The following PKP4 variants were observed in gnomAD, a reference collection of about 807,000 sequenced individuals.
The protein encoded by PKP4 is plakophilin 4.
A neutral mutation model predicts 145.1 loss-of-function variants in PKP4; 90 were observed. The observed-to-expected ratio is 0.62, with a 90% CI of 0.52 to 0.74. PKP4 has a LOEUF of 0.74. PKP4 is among the 30% of genes least tolerant of loss of function. The pLI is 0.00. For synonymous variants in PKP4, 563 were observed against 577.2 expected (o/e 0.98, Z 0.35); for missense variants, 1,340 against 1,482.7 (o/e 0.90, Z 1.58).
At chr2:158,569,688 A>G (rs913298226) in intron 2 of PKP4, among the ~76,000 whole-genome samples, 2 of 152,210 alleles carry the variant, frequency 1.3e-5, no homozygotes, top group African/African-American at 2.4e-5. Context: ...TGTGTTCTCA[A>G]AATGATAGTT....
chr2:158,562,121 G>A (rs550143856), intron 2 of PKP4, among the ~76,000 whole-genome samples: 1 of 152,234 alleles, frequency 6.6e-6, no homozygotes, highest in African/African-American at 2.4e-5. Flanking sequence ...AGCCAGGAGA[G>A]GAGAAAATAG....
At chr2:158,504,248 C>T (rs1410118876) in intron 1 of PKP4, among the ~76,000 whole-genome samples, 2 of 152,240 alleles carry the variant, frequency 1.3e-5, no homozygotes, top group East Asian at 3.9e-4. Flanking sequence ...GTCAACATTG[C>T]GTTATTAGGA....
chr2:158,489,025 A>G (rs1210101857), intron 1 of PKP4, among the ~76,000 whole-genome samples: 3 of 152,200 alleles, frequency 2.0e-5, no homozygotes, highest in South Asian at 2.1e-4. Flanking sequence ...CATCTGTACA[A>G]TGGAGTTGAA....
intron 2 of PKP4, among the ~76,000 whole-genome samples, chr2:158,558,187 A>C (rs1417681022): frequency 6.6e-6 from 1 of 152,216 alleles, no homozygotes; most frequent in East Asian, 1.9e-4. Flanking sequence ...AATTACAGAG[A>C]TATCATTGCC....
intron 9 of PKP4, among the ~76,000 whole-genome samples, chr2:158,635,855 A>G (rs1326377599): frequency 6.6e-6 from 1 of 152,158 alleles, no homozygotes; most frequent in African/African-American, 2.4e-5. Context: ...TGAAGTTTGA[A>G]TATTTAAACC....
chr2:158,604,893 C>T (rs897183772), intron 4 of PKP4, among the ~76,000 whole-genome samples: 1 of 152,138 alleles, frequency 6.6e-6, no homozygotes, highest in African/African-American at 2.4e-5. Context: ...TAAGGGACAA[C>T]TGAGTTAGAG....
chr2:158,503,177 T>G (rs1289225488), intron 1 of PKP4, among the ~76,000 whole-genome samples: 1 of 152,272 alleles, frequency 6.6e-6, no homozygotes, highest in Non-Finnish European at 1.5e-5. Flanking sequence ...TCCAATTTGT[T>G]AGCTGTACTT....
At chr2:158,541,086 A>G (rs1339272475) in intron 2 of PKP4, among the ~76,000 whole-genome samples, 1 of 152,136 alleles carries the variant, frequency 6.6e-6, no homozygotes, top group Non-Finnish European at 1.5e-5. Context: ...TCTGCTTTGC[A>G]TGATCGTTTT....
At chr2:158,498,555 C>T (rs1383577932) in intron 1 of PKP4, among the ~76,000 whole-genome samples, 1 of 152,178 alleles carries the variant, frequency 6.6e-6, no homozygotes, top group African/African-American at 2.4e-5. Context: ...GTTTTCTCTT[C>T]AGCATTCCTT....
At chr2:158,509,959 A>T (rs2041351572) in intron 1 of PKP4, among the ~76,000 whole-genome samples, 1 of 151,850 alleles carries the variant, frequency 6.6e-6, no homozygotes, top group Admixed American at 6.6e-5. Flanking sequence ...AAAAAAAAAA[A>T]AAAGAAATAC....
chr2:158,462,799 G>A (rs910226569), intron 1 of PKP4, among the ~76,000 whole-genome samples: 8 of 152,146 alleles, frequency 5.3e-5, no homozygotes, highest in South Asian at 2.1e-4. Flanking sequence ...TGTGGTCCTC[G>A]TTTTGCTCAT....
intron 2 of PKP4, among the ~76,000 whole-genome samples, chr2:158,537,341 T>G (rs898365938): frequency 2.6e-5 from 4 of 152,176 alleles, no homozygotes; most frequent in African/African-American, 7.2e-5. Context: ...TCTGTCCAAT[T>G]TAGTCGAAAG....
intron 2 of PKP4, among the ~76,000 whole-genome samples, chr2:158,546,025 AC>A (rs759997101): frequency 6.6e-5 from 10 of 152,176 alleles, no homozygotes; most frequent in Non-Finnish European, 1.3e-4. Context: ...TCTCTTTAGT[AC>A]CCAGAATATG....
chr2:158,576,079 G>A (rs988180678), intron 2 of PKP4, among the ~76,000 whole-genome samples: 8 of 152,096 alleles, frequency 5.3e-5, no homozygotes, highest in Non-Finnish European at 1.2e-4. Flanking sequence ...CATTAGGAAA[G>A]GATTCTCAGT....
chr2:158,575,685 C>T (rs1003483138), intron 2 of PKP4, among the ~76,000 whole-genome samples: 4 of 152,046 alleles, frequency 2.6e-5, no homozygotes, highest in African/African-American at 7.2e-5. Flanking sequence ...TTTTGGGATT[C>T]CTGAGTAGTC....
chr2:158,634,180 A>AG lies in PKP4; in HGVS notation c.1453_1454insG (p.Ile485SerfsTer11). The AG allele has an allele frequency of 2.5e-6, 4 of 1,614,124 alleles. No individual in the cohort carries two copies. The highest frequency in any genetic ancestry group is 3.4e-6 in the Non-Finnish European group (4 of 1,179,976). On this transcript the variant is annotated frameshift_variant, in exon 9 of 22. Transcript: ENST00000389759. LOFTEE classifies it high-confidence loss of function. ...TACCTACGCGGAGCCCTACAGGCCTATACAATACCGAGTGCAAGAGTGCAA... is the reference window on the plus strand; with the variant it reads ...TACCTACGCGGAGCCCTACAGGCCTAGTACAATACCGAGTGCAAGAGTGCAA...
chr2:158,532,086 A>G (rs1171174265), intron 1 of PKP4, among the ~76,000 whole-genome samples: 4 of 152,216 alleles, frequency 2.6e-5, no homozygotes, highest in Non-Finnish European at 1.5e-5. Flanking sequence ...CAGAAGACTG[A>G]TACTGAAATT....
At chr2:158,463,266 GGTA>G (rs1159471561) in intron 1 of PKP4, among the ~76,000 whole-genome samples, 1 of 152,164 alleles carries the variant, frequency 6.6e-6, no homozygotes, top group African/African-American at 2.4e-5. Context: ...TGTAATCCCA[GGTA>G]GTAGTCATTT....
Position 158,577,331 on chromosome 2 carries a change from C to G in PKP4, c.193C>G (p.Gln65Glu), listed in dbSNP as rs2047940021. 3 of 1,613,628 alleles carry G rather than the reference C, an allele frequency of 1.9e-6. No homozygotes were observed. The highest frequency in any genetic ancestry group is 2.5e-6 in the Non-Finnish European group (3 of 1,179,816). ...AGTGGAAAGGCAGATTGTTGCCAGT[C>G]AGCTAGAAAGATGTAGGCTTGGAGC... ...LEVERQIVAS[Q>E]LERCRLGAES... Residue 65 changes from glutamine to glutamate, a missense_variant, in exon 3 of 22, where the codon CAG becomes GAG. By Grantham distance (29) the Gln-to-Glu change is conservative. Coordinates refer to ENST00000389759, the MANE Select transcript of PKP4 (RefSeq NM_003628.6).
Sources: gnomAD v4.1 joint callset for allele counts (sites outside exome capture counted in the v4.1 genomes callset) on GRCh38, gnomAD v4.1.1 for gene constraint, MANE v1.5 for transcripts, NCBI Gene and HGNC (gene_info 2026-07-23, HGNC 2026-07-21) for gene names.